VPS13A: variants seen among roughly 807,000 people sequenced by gnomAD.
The protein encoded by VPS13A is intermembrane lipid transfer protein VPS13A.
VPS13A carries 264 observed loss-of-function variants against 390.9 expected under a neutral mutation model. The ratio of observed to expected loss-of-function variants is 0.68; its 90% CI spans 0.61 to 0.75. The LOEUF is 0.75. Among genes scored for constraint, VPS13A ranks in the 30% least tolerant of loss-of-function variants. VPS13A has a pLI of 0.00. For missense variants in VPS13A, 3,409 were observed against 3,733.9 expected, an observed-to-expected ratio of 0.91 and a Z score of 2.27; for synonymous variants, 1,231 against 1,227.1, an observed-to-expected ratio of 1.00 and a Z score of -0.07.
chr9:77,392,646 G>T (rs1051267319), intron 68 of VPS13A, among the ~76,000 whole-genome samples: 1 of 151,760 alleles, frequency 6.6e-6, no homozygotes, highest in South Asian at 2.1e-4. Context: ...GCATATATTT[G>T]TTCTCCAGTG....
At chr9:77,208,796 C>T (rs1825815149) in intron 5 of VPS13A, among the ~76,000 whole-genome samples, 1 of 152,166 alleles carries the variant, frequency 6.6e-6, no homozygotes, top group African/African-American at 2.4e-5. Context: ...ATGATCTGCC[C>T]ACCTTGGCCT....
At chr9:77,227,311 C>T in intron 15 of VPS13A, 80 bp from the exon 16 acceptor site, 1 of 1,013,520 alleles carries the variant, frequency 9.9e-7, no homozygotes, top group Non-Finnish European at 1.5e-6. Flanking sequence ...ATTTCACATT[C>T]TGTTTATTAA....
intron 68 of VPS13A, among the ~76,000 whole-genome samples, chr9:77,391,926 C>T (rs192174242): frequency 6.6e-6 from 1 of 152,306 alleles, no homozygotes; most frequent in East Asian, 1.9e-4. Flanking sequence ...TGTGTTCAGA[C>T]ACTCTTGTAG....
intron 1 of VPS13A, among the ~76,000 whole-genome samples, chr9:77,198,569 T>A (rs529765187): frequency 1.9e-3 from 295 of 151,774 alleles, no homozygotes; most frequent in African/African-American, 6.1e-3. Flanking sequence ...TACTTTTTTT[T>A]AAATCTTTTT....
chr9:77,314,512 T>C lies in VPS13A; in HGVS notation c.4260T>C (p.Val1420=), dbSNP rs2131427514. The C allele has an allele frequency of 1.2e-6, 2 of 1,612,302 alleles. No individual in the cohort carries two copies. Among genetic ancestry groups the C allele is most frequent in the South Asian group, 1.1e-5 (1 of 91,024 alleles). The change falls in exon 37 of 72, where the codon GTT becomes GTC. Residue 1420 remains valine, a synonymous_variant. Coordinates refer to ENST00000360280, the MANE Select transcript of VPS13A (RefSeq NM_033305.3). The stretch of plus-strand genomic sequence containing the variant: ...TTTCATAGGCTTCCTTTACAGATGT[T>C]CGTGATCCTTCTCTGAAACTTGCTG... ...PGPKQASFTD[V]RDPSLKLAEF... is the part of the protein sequence containing the mutation.
chr9:77,269,399 T>G (rs1260223018), intron 23 of VPS13A, among the ~76,000 whole-genome samples: 1 of 152,348 alleles, frequency 6.6e-6, no homozygotes, highest in East Asian at 1.9e-4. Context: ...GTCTATCATT[T>G]CCATCTGTTT....
intron 71 of VPS13A, among the ~76,000 whole-genome samples, chr9:77,413,402 A>C (rs1835028034): frequency 6.6e-6 from 1 of 152,226 alleles, no homozygotes; most frequent in African/African-American, 2.4e-5. Context: ...GATATAGACC[A>C]ATGGAACAGA....
intron 33 of VPS13A, among the ~76,000 whole-genome samples, chr9:77,301,802 A>G (rs551323633): frequency 5.9e-5 from 9 of 152,312 alleles, no homozygotes; most frequent in Non-Finnish European, 8.8e-5. Context: ...GTATTCAGCT[A>G]TTTTAACTCA....
intron 1 of VPS13A, among the ~76,000 whole-genome samples, chr9:77,185,920 A>G (rs376795675): frequency 6.6e-6 from 1 of 152,316 alleles, no homozygotes; most frequent in African/African-American, 2.4e-5. Context: ...TAAGGTTAAG[A>G]GTACGAGACC....
At chr9:77,412,177 T>C (rs187222318) in intron 71 of VPS13A, among the ~76,000 whole-genome samples, 8,884 of 152,246 alleles carry the variant, frequency 0.058, 371 homozygotes, top group South Asian at 0.12. Context: ...AAGGAGGAGC[T>C]GGTACCATTC....
chr9:77,325,386 A>T (rs889462576), intron 45 of VPS13A, among the ~76,000 whole-genome samples: 1 of 148,402 alleles, frequency 6.7e-6, no homozygotes, highest in Non-Finnish European at 1.5e-5. Flanking sequence ...TGTAGCCACC[A>T]TGTAGTTAGA....
In VPS13A at chr9:77,418,789, G is replaced by GTAAT. The variant is rs1353793776; in HGVS notation, c.*2784_*2787dup. On this transcript the variant is annotated 3_prime_UTR_variant, in exon 72 of 72. Transcript: ENST00000360280. ...ATTATCTCTCTCATTTCTTCCAATAGTAATAGCGGTAATATTGTTCCATTG... is the reference window on the plus strand; with the variant it reads ...ATTATCTCTCTCATTTCTTCCAATAGTAATTAATAGCGGTAATATTGTTCCATTG... 3 of 152,194 alleles carry GTAAT rather than the reference G, an allele frequency of 2.0e-5. No homozygotes were observed. The highest frequency in any genetic ancestry group is 4.2e-4 in the South Asian group (2 of 4,810). The allele number at this position is 152,194 out of a possible 1,614,324, so 9.4% of individuals were successfully genotyped here.
chr9:77,331,325 ATT>A (rs1830264198), intron 45 of VPS13A, among the ~76,000 whole-genome samples: 3 of 152,100 alleles, frequency 2.0e-5, no homozygotes, highest in Admixed American at 2.0e-4. Flanking sequence ...ATCAATTTAC[ATT>A]CTACCAGTAG....
chr9:77,213,110 T>C, intron 8 of VPS13A, 82 bp downstream of exon 8: 1 of 1,562,830 alleles, frequency 6.4e-7, no homozygotes, highest in Non-Finnish European at 8.8e-7. Context: ...TAAGGATGTA[T>C]GTGAATTTTG....
intron 35 of VPS13A, among the ~76,000 whole-genome samples, chr9:77,310,403 A>G (rs59503232): frequency 0.029 from 4,455 of 152,318 alleles, 169 homozygotes; most frequent in African/African-American, 0.088. Flanking sequence ...TATGTAGGAT[A>G]CAGAGTTAGC....
intron 71 of VPS13A, among the ~76,000 whole-genome samples, chr9:77,412,614 TATCTATGACAAACC>T (rs1008619413): frequency 2.0e-5 from 3 of 152,170 alleles, no homozygotes; most frequent in Non-Finnish European, 4.4e-5. Flanking sequence ...TAATAAGAGC[TATCTATGACAAACC>T]CACAGCCAAT....
chr9:77,193,441 C>T (rs1413321880), intron 1 of VPS13A, among the ~76,000 whole-genome samples: 1 of 152,186 alleles, frequency 6.6e-6, no homozygotes, highest in South Asian at 2.1e-4. Flanking sequence ...CAAGACCAGC[C>T]TGGCCAACAT....
At position 77,351,254 on chromosome 9, in the gene VPS13A, T is replaced by C. The variant is rs148912239; in HGVS notation, c.7290-63T>C. The C allele has an allele frequency of 5.5e-5, 86 of 1,558,714 alleles. No individual in the cohort carries two copies. In the East Asian group the frequency reaches 1.8e-3, roughly 33 times the overall value. On this transcript the variant is annotated intron_variant, in intron 52 of 71. Coordinates refer to ENST00000360280, the MANE Select transcript of VPS13A (RefSeq NM_033305.3). ...AAGAATTAATGAAGTATTATTTTAGTTTTTTTTTAATCTCTTCGTGTACTT... is the reference window on the plus strand; with the variant it reads ...AAGAATTAATGAAGTATTATTTTAGCTTTTTTTTAATCTCTTCGTGTACTT...
chr9:77,405,866 G>C lies in VPS13A; in HGVS notation c.9278G>C (p.Gly3093Ala), dbSNP rs747803033. ...KTDMLMITRR[G>A]VLFVTKGTFG... ...TTTTTTTGTTTTTCTTTTTGCAGTGGTGTATTGTTTGTAACAAAGGGAACA... is the reference window on the plus strand; with the variant it reads ...TTTTTTTGTTTTTCTTTTTGCAGTGCTGTATTGTTTGTAACAAAGGGAACA... Residue 3093 changes from glycine to alanine, a missense_variant and splice_region_variant, in exon 70 of 72, where the codon GGT (glycine) becomes GCT (alanine). Gly to Ala is a moderately conservative substitution (Grantham distance 60, BLOSUM62 0). Transcript: ENST00000360280. 4 of 1,613,428 alleles carry C rather than the reference G, an allele frequency of 2.5e-6. No homozygotes were observed. Among genetic ancestry groups the C allele is most frequent in the Middle Eastern group, 1.7e-4 (1 of 6,056 alleles).
Sources: allele counts gnomAD v4.1 joint callset (sites outside exome capture counted in the v4.1 genomes callset), GRCh38; gene constraint gnomAD v4.1.1; transcripts MANE v1.5; gene names NCBI Gene and HGNC (gene_info 2026-07-23, HGNC 2026-07-21).